The following TRPM7 variants were observed in gnomAD, a reference collection of about 807,000 sequenced individuals.
TRPM7 encodes transient receptor potential cation channel subfamily M member 7.
In TRPM7, 134 loss-of-function variants were observed where a neutral mutation model predicts 229.7. The observed-to-expected ratio is 0.58, with a 90% CI of 0.51 to 0.67. TRPM7 has a LOEUF of 0.67. Ranked by LOEUF, TRPM7 falls within the 30% of genes least tolerant of loss-of-function variation. TRPM7 has a pLI of 0.00. For synonymous variants in TRPM7, 699 were observed against 715.2 expected (o/e 0.98, Z 0.36); for missense variants, 1,901 against 2,210.0 (o/e 0.86, Z 2.80).
At chr15:50,650,418 G>C (rs941937157) in intron 3 of TRPM7, among the ~76,000 whole-genome samples, 21 of 151,804 alleles carry the variant, frequency 1.4e-4, no homozygotes, top group African/African-American at 5.1e-4. Flanking sequence ...AGACAGACCA[G>C]GCACGGTGGC....
chr15:50,675,578 A>G (rs1412359331), intron 1 of TRPM7, among the ~76,000 whole-genome samples: 1 of 152,186 alleles, frequency 6.6e-6, no homozygotes. Flanking sequence ...TAATGATAAA[A>G]AAAAGTTTTT....
At chr15:50,656,499 CTTTTTTT>C (rs75557468) in intron 3 of TRPM7, among the ~76,000 whole-genome samples, 1 of 133,510 alleles carries the variant, frequency 7.5e-6, no homozygotes, top group East Asian at 2.2e-4. Context: ...GTGTGGTTTT[CTTTTTTT>C]TTTTTTTTTG....
rs2060089776 is a variant in TRPM7 at position 50,612,529 on chromosome 15, A to G, written c.2051+20T>C. The G allele has an allele frequency of 6.3e-7, 1 of 1,595,558 alleles. No homozygotes were observed. The highest frequency in any genetic ancestry group is 1.1e-5 in the South Asian group (1 of 89,178). On this transcript the variant is annotated intron_variant, in intron 16 of 38. Coordinates refer to ENST00000646667, the MANE Select transcript of TRPM7 (RefSeq NM_017672.6). ...ACTTTGAATTTTTAAAATGTTTTCA[A>G]ATGATAAAATACCACTTACTTGGAA...
chr15:50,629,968 T>A (rs774188649), intron 10 of TRPM7, among the ~76,000 whole-genome samples: 20 of 148,574 alleles, frequency 1.3e-4, no homozygotes, highest in Non-Finnish European at 2.4e-4. Context: ...TTCAAGCAAT[T>A]CTTGTGCCTC....
chr15:50,630,524 G>A (rs1181256558), intron 10 of TRPM7, among the ~76,000 whole-genome samples: 2 of 152,178 alleles, frequency 1.3e-5, no homozygotes, highest in East Asian at 3.8e-4. Context: ...ATCAGTGTGT[G>A]TGTGCTTCAA....
intron 38 of TRPM7, among the ~76,000 whole-genome samples, chr15:50,562,884 G>A (rs930743180): frequency 6.6e-6 from 1 of 152,128 alleles, no homozygotes; most frequent in Non-Finnish European, 1.5e-5. Flanking sequence ...AGGAAAGCCA[G>A]AGGAAGAGAT....
At position 50,611,080 on chromosome 15, in the gene TRPM7, T is replaced by C; in HGVS notation, c.2280+13A>G. On this transcript the variant is annotated intron_variant, in intron 17 of 38. Coordinates refer to ENST00000646667, the MANE Select transcript of TRPM7 (RefSeq NM_017672.6). Reference sequence around the variant, plus strand: ...AATCACATGCTTTATATCAAATTATTTCTAAAGTATACCTTGTACCAGGAA... The same window carrying C: ...AATCACATGCTTTATATCAAATTATCTCTAAAGTATACCTTGTACCAGGAA... 1 of 1,574,456 alleles carries C rather than the reference T, an allele frequency of 6.4e-7. No homozygotes were observed. The highest frequency in any genetic ancestry group is 1.1e-5 in the South Asian group (1 of 90,010).
intron 9 of TRPM7, among the ~76,000 whole-genome samples, chr15:50,631,752 T>C (rs2140659117): frequency 6.6e-6 from 1 of 152,266 alleles, no homozygotes; most frequent in East Asian, 1.9e-4. Context: ...AATATTTGGT[T>C]TCATATTACA....
chr15:50,559,536 A>AAAACAAAAC lies in TRPM7; in HGVS notation c.*2141_*2142insGTTTTGTTT, dbSNP rs1566920359. The AAAACAAAAC allele has an allele frequency of 2.8e-5, 4 of 140,846 alleles. No homozygotes were observed. Among genetic ancestry groups the AAAACAAAAC allele is most frequent in the African/African-American group, 1.1e-4 (4 of 35,564 alleles). 8.7% of individuals were successfully genotyped at this position (140,846 alleles called of 1,614,324 possible). On this transcript the variant is annotated 3_prime_UTR_variant, in exon 39 of 39. Coordinates refer to ENST00000646667, the MANE Select transcript of TRPM7 (RefSeq NM_017672.6). The stretch of plus-strand genomic sequence containing the variant: ...CAAAACAAAACAAAACAAAACAAAA[A>AAAACAAAAC]CAGTATAGATGAAAGGCAGCCAGCC...
Position 50,591,809 on chromosome 15 carries a change from A to T in TRPM7, c.4324+102T>A, listed in dbSNP as rs573225928. ...TTCTTTTTAAAAATTTTATAATTATACTCTATGAAAAGATAATGACTTGTA... is the reference window on the plus strand; with the variant it reads ...TTCTTTTTAAAAATTTTATAATTATTCTCTATGAAAAGATAATGACTTGTA... On this transcript the variant is annotated intron_variant, in intron 26 of 38. Transcript: ENST00000646667. The T allele has an allele frequency of 4.0e-5, 34 of 859,404 alleles. No individual in the cohort carries two copies. In the African/African-American group the frequency reaches 4.8e-4, roughly 12 times the overall value. The allele number at this position is 859,404 out of a possible 1,614,324, so 53.2% of individuals were successfully genotyped here.
chr15:50,571,434 G>A (rs2053880076), intron 36 of TRPM7, among the ~76,000 whole-genome samples: 1 of 152,296 alleles, frequency 6.6e-6, no homozygotes, highest in South Asian at 2.1e-4. Flanking sequence ...GTTTGTAGAA[G>A]CAAAAAACTA....
chr15:50,685,394 T>C (rs1051484908), intron 1 of TRPM7, among the ~76,000 whole-genome samples: 1 of 152,234 alleles, frequency 6.6e-6, no homozygotes, highest in African/African-American at 2.4e-5. Flanking sequence ...GAGGCGGATG[T>C]TGCAGTGAGC....
intron 10 of TRPM7, among the ~76,000 whole-genome samples, chr15:50,629,297 G>T (rs994907004): frequency 6.7e-6 from 1 of 149,534 alleles, no homozygotes; most frequent in South Asian, 2.1e-4. Context: ...TTCTGAGACC[G>T]AGTCTCTCCC....
chr15:50,643,144 C>T (rs563995465), intron 5 of TRPM7, among the ~76,000 whole-genome samples, 196 bp downstream of exon 5: 1 of 152,198 alleles, frequency 6.6e-6, no homozygotes, highest in South Asian at 2.1e-4. Context: ...CAAAAATTAA[C>T]CGGGCATGGT....
intron 7 of TRPM7, among the ~76,000 whole-genome samples, chr15:50,635,357 A>G (rs1392817957): frequency 7.0e-6 from 1 of 143,844 alleles, no homozygotes; most frequent in Non-Finnish European, 1.5e-5. Flanking sequence ...ACTGTCTCAA[A>G]TGCCACCTGA....
intron 38 of TRPM7, among the ~76,000 whole-genome samples, chr15:50,566,621 G>C (rs2053610023): frequency 6.6e-6 from 1 of 152,116 alleles, no homozygotes; most frequent in Non-Finnish European, 1.5e-5. Context: ...GTTTGAACCT[G>C]GGAGGTGGAG....
chr15:50,651,088 G>A (rs7167290), intron 3 of TRPM7, among the ~76,000 whole-genome samples: 10,533 of 152,194 alleles, frequency 0.069, 488 homozygotes, highest in Non-Finnish European at 0.11. Flanking sequence ...TTGGGAAGCT[G>A]AGATGGGAGG....
chr15:50,589,506 G>GA, intron 27 of TRPM7, 86 bp downstream of exon 27: 1 of 965,882 alleles, frequency 1.0e-6, no homozygotes, highest in Non-Finnish European at 1.6e-6. Flanking sequence ...TATTTTTGCT[G>GA]AAAAAATGTT....
At chr15:50,597,826 T>C (rs1399292337) in intron 22 of TRPM7, among the ~76,000 whole-genome samples, 3 of 151,650 alleles carry the variant, frequency 2.0e-5, no homozygotes, top group South Asian at 2.1e-4. Context: ...GGCTGAGGCA[T>C]GGGAATCACT....
Sources: gnomAD v4.1 joint callset for allele counts (sites outside exome capture counted in the v4.1 genomes callset) on GRCh38, gnomAD v4.1.1 for gene constraint, MANE v1.5 for transcripts, NCBI Gene and HGNC (gene_info 2026-07-23, HGNC 2026-07-21) for gene names.